The following BEND5 variants were observed in gnomAD, a reference collection of about 807,000 sequenced individuals.
BEND5 encodes BEN domain containing 5, also known as BEN domain-containing protein 5.
Under a neutral mutation model 43.9 loss-of-function variants are expected in BEND5, and 22 were observed. That is an observed-to-expected ratio of 0.50 (90% CI 0.36 to 0.72). The LOEUF is 0.72. Ranked by LOEUF, BEND5 falls within the 30% of genes least tolerant of loss-of-function variation. BEND5 has a pLI of 0.00. For synonymous variants in BEND5, 228 were observed against 225.9 expected (o/e 1.01, Z -0.08); for missense variants, 428 against 550.6 (o/e 0.78, Z 2.23).
chr1:48,762,301 C>A (rs1644302757), intron 1 of BEND5, among the ~76,000 whole-genome samples: 1 of 152,196 alleles, frequency 6.6e-6, no homozygotes, highest in Non-Finnish European at 1.5e-5. Context: ...TTAAGCTCAA[C>A]CTAAGATAAT....
chr1:48,761,525 G>A, intron 1 of BEND5, 55 bp from the exon 2 acceptor site: 1 of 1,511,844 alleles, frequency 6.6e-7, no homozygotes, highest in Non-Finnish European at 8.9e-7. Flanking sequence ...GAGTCATTAT[G>A]AGTTTAGAAT....
chr1:48,760,031 C>A (rs1249734151), intron 2 of BEND5, among the ~76,000 whole-genome samples: 3 of 152,276 alleles, frequency 2.0e-5, no homozygotes, highest in African/African-American at 7.2e-5. Flanking sequence ...CAGGGAAGGA[C>A]TACACTTAGG....
intron 3 of BEND5, among the ~76,000 whole-genome samples, chr1:48,747,206 C>G (rs1295339483): frequency 6.6e-6 from 1 of 152,100 alleles, no homozygotes; most frequent in Non-Finnish European, 1.5e-5. Context: ...TTTTAGGTAA[C>G]AAAAGAACTT....
chr1:48,728,159 A>T, intron 5 of BEND5, 116 bp from the exon 6 acceptor site: 1 of 907,536 alleles, frequency 1.1e-6, no homozygotes, highest in Non-Finnish European at 1.6e-6. Flanking sequence ...CAGCTTATGT[A>T]TCTGGCATAG....
intron 3 of BEND5, among the ~76,000 whole-genome samples, chr1:48,748,960 T>C (rs924007202): frequency 4.6e-5 from 7 of 152,032 alleles, no homozygotes; most frequent in African/African-American, 1.4e-4. Flanking sequence ...CTGACACAGA[T>C]GCCTCCACAG....
chr1:48,751,537 G>A (rs1018045359), intron 3 of BEND5, among the ~76,000 whole-genome samples: 18 of 152,186 alleles, frequency 1.2e-4, no homozygotes, highest in African/African-American at 4.3e-4. Flanking sequence ...TGCTGAGGTT[G>A]TTTTATATAT....
chr1:48,762,326 G>A (rs559308251), intron 1 of BEND5, among the ~76,000 whole-genome samples: 4 of 152,168 alleles, frequency 2.6e-5, no homozygotes, highest in African/African-American at 9.6e-5. Context: ...TTCTTTTTCT[G>A]CACAGATTTC....
chr1:48,752,435 C>A (rs1651890581), intron 3 of BEND5, among the ~76,000 whole-genome samples: 2 of 152,142 alleles, frequency 1.3e-5, no homozygotes, highest in South Asian at 4.1e-4. Context: ...TGGACAAATT[C>A]TATAAGCTAC....
chr1:48,775,995 A>G (rs555124663), intron 1 of BEND5, among the ~76,000 whole-genome samples: 4 of 152,060 alleles, frequency 2.6e-5, no homozygotes, highest in Admixed American at 6.5e-5. Flanking sequence ...GGGGCAGGAG[A>G]GTGTGGTGTG....
intron 1 of BEND5, among the ~76,000 whole-genome samples, chr1:48,763,950 G>A (rs536134363): frequency 1.3e-5 from 2 of 152,288 alleles, no homozygotes; most frequent in South Asian, 4.1e-4. Context: ...CATGAATGTA[G>A]GAGAACTCTG....
chr1:48,755,500 C>T (rs1448964128), intron 3 of BEND5, among the ~76,000 whole-genome samples: 2 of 152,202 alleles, frequency 1.3e-5, no homozygotes, highest in African/African-American at 4.8e-5. Context: ...CCAGGAGCAA[C>T]ACTCAAATGA....
At chr1:48,737,283 CAAAAAGA>C (rs990290580) in intron 4 of BEND5, among the ~76,000 whole-genome samples, 6 of 150,530 alleles carry the variant, frequency 4.0e-5, no homozygotes, top group South Asian at 2.1e-4. Context: ...GACTCCGTCT[CAAAAAGA>C]AAAAAGAAAA....
At position 48,776,704 on chromosome 1, in the gene BEND5, C is replaced by A; in HGVS notation, c.128G>T (p.Gly43Val). 2 of 1,519,900 alleles carry A rather than the reference C, an allele frequency of 1.3e-6. No homozygotes were observed. Among genetic ancestry groups the A allele is most frequent in the Admixed American group, 2.1e-5 (1 of 47,314 alleles). 94.2% of individuals were successfully genotyped at this position (1,519,900 alleles called of 1,614,324 possible). Residue 43 changes from glycine to valine, a missense_variant, in exon 1 of 6, where the codon GGC (glycine) becomes GTC (valine). By Grantham distance (109) the Gly-to-Val change is moderately radical (BLOSUM62 -3). Coordinates refer to ENST00000371833, the MANE Select transcript of BEND5 (RefSeq NM_024603.4). ...GGGCCCGGCGCCCAATTCCTCCGGG[C>A]CCCGGTACACGGCGTACACCTTCTG... ...DNQKVYAVYR[G>V]PEELGAGPES... is the part of the protein sequence containing the mutation.
Position 48,736,695 on chromosome 1 carries a change from C to CT in BEND5, c.895-244_895-243insA, listed in dbSNP as rs1359129134. ...CTTCATGGCAATTGTGGATAGAAGG[C>CT]ATTATAACACCATTTTCCTTTCAGA... On this transcript the variant is annotated intron_variant, in intron 4 of 5. Coordinates refer to ENST00000371833, the MANE Select transcript of BEND5 (RefSeq NM_024603.4). This position sits in a 1 kb window ranked among gnomAD's most constrained non-coding sequence, Gnocchi z 4.0. Among the ~76,000 whole-genome samples, 2 of 152,160 alleles carry CT rather than the reference C, an allele frequency of 1.3e-5. No individual in the cohort carries two copies. The highest frequency in any genetic ancestry group is 4.8e-5 in the African/African-American group (2 of 41,428).
At chr1:48,750,549 T>C (rs553694464) in intron 3 of BEND5, among the ~76,000 whole-genome samples, 20 of 152,278 alleles carry the variant, frequency 1.3e-4, no homozygotes, top group Admixed American at 1.0e-3. Flanking sequence ...AAAGTAAAGC[T>C]CACCCTGCAT....
intron 1 of BEND5, among the ~76,000 whole-genome samples, chr1:48,771,205 G>A (rs1378718417): frequency 2.0e-5 from 3 of 152,112 alleles, no homozygotes; most frequent in African/African-American, 7.2e-5. Context: ...TCCAGATTAC[G>A]AATGTTCTTC....
chr1:48,771,089 G>A (rs971874053), intron 1 of BEND5, among the ~76,000 whole-genome samples: 18 of 152,328 alleles, frequency 1.2e-4, no homozygotes, highest in African/African-American at 4.1e-4. Flanking sequence ...ATATTTGGTA[G>A]GGAAACACAG....
At chr1:48,743,969 G>T (rs1026158449) in intron 3 of BEND5, among the ~76,000 whole-genome samples, 2 of 152,164 alleles carry the variant, frequency 1.3e-5, no homozygotes, top group African/African-American at 4.8e-5. Flanking sequence ...AATGAAACTT[G>T]CACAAAGCTG....
intron 2 of BEND5, 35 bp downstream of exon 2, chr1:48,761,302 C>T: frequency 6.5e-7 from 1 of 1,528,930 alleles, no homozygotes; most frequent in East Asian, 2.5e-5. Context: ...GAAAATGCTC[C>T]AGCATACCTC....
Sources: allele counts gnomAD v4.1 joint callset (sites outside exome capture counted in the v4.1 genomes callset), GRCh38; gene constraint gnomAD v4.1.1; non-coding constraint Gnocchi (gnomAD v3.1); transcripts MANE v1.5; gene names NCBI Gene and HGNC (gene_info 2026-07-23, HGNC 2026-07-21).